The following STPG2 variants were observed in gnomAD, a reference collection of about 807,000 sequenced individuals.
The protein encoded by STPG2 is sperm tail PG-rich repeat containing 2.
STPG2 carries 56 observed loss-of-function variants against 54.2 expected under a neutral mutation model. That is an observed-to-expected ratio of 1.03 (90% CI 0.83 to 1.29). The LOEUF (loss-of-function observed/expected upper bound fraction) is 1.29. STPG2 is among the 50% of genes most tolerant of loss of function. The pLI, the probability that STPG2 is intolerant of heterozygous loss-of-function variation, is 0.00. For synonymous variants in STPG2, 200 were observed against 181.8 expected, an observed-to-expected ratio of 1.10 and a Z score of -0.81; for missense variants, 596 against 544.9, an observed-to-expected ratio of 1.09 and a Z score of -0.93.
downstream of STPG2, among the ~76,000 whole-genome samples, chr4:97,554,190 A>G (rs533963650): frequency 1.4e-4 from 22 of 152,276 alleles, no homozygotes; most frequent in Non-Finnish European, 2.5e-4. Flanking sequence ...TCCTCAAAAG[A>G]AAGGTGAGAG....
intron 4 of STPG2, among the ~76,000 whole-genome samples, chr4:97,484,290 A>G (rs1730300399): frequency 6.6e-6 from 1 of 151,906 alleles, no homozygotes; most frequent in Non-Finnish European, 1.5e-5. Context: ...CAGTTCTTTG[A>G]AAAGATAAAT....
In STPG2 at chr4:98,000,248, T is replaced by C. The variant is rs183835029; in HGVS notation, c.613-18930A>G. Among the ~76,000 whole-genome samples, 1,157 of 152,242 alleles carry C rather than the reference T, an allele frequency of 7.6e-3. 10 individuals are homozygous for C. The highest frequency in any genetic ancestry group is 0.012 in the Non-Finnish European group (820 of 67,980). On this transcript the variant is annotated intron_variant, in intron 5 of 10. Transcript: ENST00000295268. ...AAACAAGATAATATTCAGCATCCTC[T>C]TTCTGTTATGTCATCTTATAATAAG...
chr4:97,509,701 C>A (rs1290679781), intron 4 of STPG2, among the ~76,000 whole-genome samples: 2 of 151,982 alleles, frequency 1.3e-5, no homozygotes, highest in African/African-American at 4.8e-5. Context: ...AAAATACTGA[C>A]AAGGCTTTCT....
intron 8 of STPG2, chr4:97,916,501 G>C (rs1211261930): frequency 6.6e-6 from 1 of 152,596 alleles, no homozygotes; most frequent in African/African-American, 2.4e-5. Flanking sequence ...CAGGCTCCTG[G>C]AGAAGACGGG....
chr4:98,077,225 T>TTGTTGTTG (rs1738195606), intron 5 of STPG2, among the ~76,000 whole-genome samples: 13 of 148,684 alleles, frequency 8.7e-5, no homozygotes, highest in African/African-American at 3.2e-4. Context: ...CCTCAATAGT[T>TTGTTGTTG]TTGTTGTTGT....
Position 98,110,828 on chromosome 4 carries a change from T to C in STPG2, c.388-1523A>G, listed in dbSNP as rs972825279. Among the ~76,000 whole-genome samples the C allele has an allele frequency of 1.3e-4, 20 of 152,256 alleles. No homozygotes were observed. In the South Asian group the frequency reaches 3.3e-3, roughly 25 times the overall value. Reference sequence around the variant, plus strand: ...CTAAGTTGTTCTAGGTGGCTATTACTATTCTACAGCAGTGGAACCAACCTC... The same window carrying C: ...CTAAGTTGTTCTAGGTGGCTATTACCATTCTACAGCAGTGGAACCAACCTC... On this transcript the variant is annotated intron_variant, in intron 3 of 10. Transcript: ENST00000295268.
downstream of STPG2, among the ~76,000 whole-genome samples, chr4:97,557,476 A>G (rs1209510875): frequency 2.0e-5 from 3 of 152,324 alleles, no homozygotes; most frequent in East Asian, 5.8e-4. Context: ...AAAATAAAAC[A>G]CTGTGAAGAA....
At chr4:97,517,445 C>A (rs1293920967) in intron 4 of STPG2, among the ~76,000 whole-genome samples, 1 of 152,034 alleles carries the variant, frequency 6.6e-6, no homozygotes, top group Non-Finnish European at 1.5e-5. Context: ...AACAGAGCTG[C>A]CTGGGAGTGA....
At chr4:97,526,209 G>A (rs1164676204) in intron 4 of STPG2, among the ~76,000 whole-genome samples, 2 of 152,004 alleles carry the variant, frequency 1.3e-5, no homozygotes, top group Non-Finnish European at 2.9e-5. Context: ...AGGTAAGGGA[G>A]TTGAAACAGA....
chr4:97,819,740 A>G (rs1419771523), intron 9 of STPG2, among the ~76,000 whole-genome samples: 1 of 152,060 alleles, frequency 6.6e-6, no homozygotes, highest in Non-Finnish European at 1.5e-5. Flanking sequence ...CATTTAAACT[A>G]TTTAAATTAA....
chr4:97,829,566 C>T (rs1357561435), intron 9 of STPG2, among the ~76,000 whole-genome samples: 1 of 152,132 alleles, frequency 6.6e-6, no homozygotes, highest in African/African-American at 2.4e-5. Context: ...TGGGTAATAA[C>T]AAACTCCTCT....
chr4:97,963,275 C>T (rs1320945761), intron 7 of STPG2, among the ~76,000 whole-genome samples: 1 of 152,066 alleles, frequency 6.6e-6, no homozygotes, highest in African/African-American at 2.4e-5. Flanking sequence ...CAGAAATGTT[C>T]CAAAAACTAT....
chr4:97,717,597 T>C (rs1392564514), intron 9 of STPG2, among the ~76,000 whole-genome samples: 1 of 152,164 alleles, frequency 6.6e-6, no homozygotes, highest in Non-Finnish European at 1.5e-5. Context: ...TACATACTTA[T>C]CAAAATGTAC....
At chr4:98,051,458 C>A (rs1737317997) in intron 5 of STPG2, among the ~76,000 whole-genome samples, 1 of 151,976 alleles carries the variant, frequency 6.6e-6, no homozygotes, top group South Asian at 2.1e-4. Context: ...TAGATAAAGT[C>A]ATCAAGGTGG....
chr4:97,604,776 G>C (rs1342837757), intron 10 of STPG2, among the ~76,000 whole-genome samples: 1 of 151,686 alleles, frequency 6.6e-6, no homozygotes, highest in East Asian at 1.9e-4. Context: ...GGCTGCTTCT[G>C]ATTTATCTTA....
intron 5 of STPG2, among the ~76,000 whole-genome samples, chr4:98,028,345 C>A (rs1018711337): frequency 2.6e-5 from 4 of 152,164 alleles, no homozygotes. Context: ...AAAGAAGAAA[C>A]CTCAGCACAC....
chr4:97,453,418 C>G (rs2148800268), intron 4 of STPG2, among the ~76,000 whole-genome samples: 1 of 152,332 alleles, frequency 6.6e-6, no homozygotes, highest in South Asian at 2.1e-4. Context: ...GTAGAGTGAG[C>G]TGGGCACAGC....
intron 8 of STPG2, among the ~76,000 whole-genome samples, chr4:97,937,374 C>T (rs757870819): frequency 2.6e-5 from 4 of 152,062 alleles, no homozygotes; most frequent in Non-Finnish European, 4.4e-5. Flanking sequence ...CTAAAGGCTA[C>T]TTCTGTAATT....
chr4:97,954,285 G>T (rs1430597076), intron 7 of STPG2, among the ~76,000 whole-genome samples: 1 of 152,176 alleles, frequency 6.6e-6, no homozygotes, highest in Non-Finnish European at 1.5e-5. Context: ...TCTGATGAGG[G>T]TAGACCTCTG....
Sources: gnomAD v4.1 joint callset for allele counts (sites outside exome capture counted in the v4.1 genomes callset) on GRCh38, gnomAD v4.1.1 for gene constraint, MANE v1.5 for transcripts, NCBI Gene and HGNC (gene_info 2026-07-23, HGNC 2026-07-21) for gene names.